Variants in SLCO3A1 observed in about 807,000 individuals in gnomAD.
SLCO3A1 encodes PGE1 transporter.
SLCO3A1 carries 27 observed loss-of-function variants against 63.1 expected under a neutral mutation model. That is an observed-to-expected ratio of 0.43 (90% CI 0.32 to 0.59). SLCO3A1 has a LOEUF of 0.59. SLCO3A1 is among the 20% of genes least tolerant of loss of function. The pLI is 0.09. For synonymous variants in SLCO3A1, 473 were observed against 409.9 expected, an observed-to-expected ratio of 1.15 and a Z score of -1.86; for missense variants, 773 against 945.8, an observed-to-expected ratio of 0.82 and a Z score of 2.40.
At position 91,900,305 on chromosome 15, in the gene SLCO3A1, G is replaced by A. The variant is rs1898119272; in HGVS notation, c.181-15688G>A. On this transcript the variant is annotated intron_variant, in intron 1 of 9. Coordinates refer to ENST00000318445, the MANE Select transcript of SLCO3A1 (RefSeq NM_013272.4). The surrounding 1 kb of genome is among the most constrained non-coding windows in gnomAD (Gnocchi z 4.3). ...TGTTCCAGTTTCCTCAGATGGACGT[G>A]AATACTTTGTATTGTCTGTTCGTTT... 1.3e-5 allele frequency among the ~76,000 whole-genome samples: 2 copies of A among 152,116 alleles called. No homozygotes were observed. Among genetic ancestry groups the A allele is most frequent in the African/African-American group, 4.8e-5 (2 of 41,430 alleles).
chr15:91,923,290 T>C (rs1409758080), intron 2 of SLCO3A1, among the ~76,000 whole-genome samples: 1 of 152,230 alleles, frequency 6.6e-6, no homozygotes, highest in Non-Finnish European at 1.5e-5. Flanking sequence ...GATACATGAC[T>C]GAACTGTTTA....
chr15:91,949,772 G>A (rs1206559268), intron 2 of SLCO3A1, among the ~76,000 whole-genome samples: 2 of 150,824 alleles, frequency 1.3e-5, no homozygotes, highest in Non-Finnish European at 3.0e-5. Context: ...CAAGGCAGGA[G>A]GATCGCTTGA....
chr15:92,083,273 C>G (rs1324891478), intron 2 of SLCO3A1, among the ~76,000 whole-genome samples: 1 of 152,220 alleles, frequency 6.6e-6, no homozygotes, highest in Non-Finnish European at 1.5e-5. Flanking sequence ...AGGGATCTCT[C>G]ATTTTGTCAA....
chr15:91,907,520 T>A (rs1898349070), intron 1 of SLCO3A1, among the ~76,000 whole-genome samples: 1 of 150,510 alleles, frequency 6.6e-6, no homozygotes, highest in Non-Finnish European at 1.5e-5. Flanking sequence ...GAGGCCTTTC[T>A]TTTTTTTCTA....
chr15:92,077,567 G>T (rs953875555), intron 2 of SLCO3A1, among the ~76,000 whole-genome samples: 4 of 152,200 alleles, frequency 2.6e-5, no homozygotes, highest in African/African-American at 9.6e-5. Context: ...GGAAGCACCT[G>T]AGCCTTTGCC....
chr15:92,118,999 T>G (rs2047828717), intron 4 of SLCO3A1, among the ~76,000 whole-genome samples: 1 of 152,232 alleles, frequency 6.6e-6, no homozygotes, highest in Admixed American at 6.5e-5. Flanking sequence ...TAGCAGTGTC[T>G]TAAGCCATAA....
intron 2 of SLCO3A1, among the ~76,000 whole-genome samples, chr15:91,987,571 G>A (rs151027533): frequency 0.015 from 2,327 of 151,930 alleles, 36 homozygotes; most frequent in Non-Finnish European, 0.025. Context: ...ATGAAACTCC[G>A]TCTCTACTAG....
intron 2 of SLCO3A1, among the ~76,000 whole-genome samples, chr15:91,963,345 C>T (rs1285024100): frequency 7.7e-6 from 1 of 129,834 alleles, no homozygotes; most frequent in Non-Finnish European, 1.5e-5. Context: ...CTACCCTGTT[C>T]AGCTGTTAGG....
intron 8 of SLCO3A1, among the ~76,000 whole-genome samples, chr15:92,148,385 C>CATCTTTATTATGAATTCCCA (rs2048258029): frequency 6.6e-6 from 1 of 152,126 alleles, no homozygotes; most frequent in Admixed American, 6.5e-5. Context: ...CACATTTCCT[C>CATCTTTATTATGAATTCCCA]ATCTTTATTA....
intron 1 of SLCO3A1, among the ~76,000 whole-genome samples, chr15:91,898,914 G>T (rs1898079025): frequency 6.6e-6 from 1 of 152,078 alleles, no homozygotes; most frequent in Admixed American, 6.6e-5. Context: ...TATTCTTCGT[G>T]GCTCCTATCA....
chr15:92,163,551 A>AAT lies in SLCO3A1; in HGVS notation c.*417_*418insTA, dbSNP rs1480341463. On this transcript the variant is annotated 3_prime_UTR_variant, in exon 10 of 10. Transcript: ENST00000318445. ...TTAAAAGAAGTTTCCTAAAATAAAA[A>AAT]AAATTAAAAAAAAAAAACCCACAAG... 3 of 909,018 alleles carry AAT rather than the reference A, an allele frequency of 3.3e-6. No individual in the cohort carries two copies. The East Asian group carries it at 3.5e-4, about 107-fold the overall frequency. The allele number at this position is 909,018 out of a possible 1,614,324, so 56.3% of individuals were successfully genotyped here.
downstream of SLCO3A1, among the ~76,000 whole-genome samples, chr15:92,169,005 C>T (rs534963228): frequency 1.3e-5 from 2 of 152,286 alleles, no homozygotes; most frequent in African/African-American, 4.8e-5. Flanking sequence ...CCACAACCAA[C>T]ACAAAACACT....
chr15:92,009,759 G>A (rs1291568657), intron 2 of SLCO3A1, among the ~76,000 whole-genome samples: 1 of 152,196 alleles, frequency 6.6e-6, no homozygotes, highest in Admixed American at 6.5e-5. Flanking sequence ...TATCAGTGTG[G>A]AGTTGTAATG....
chr15:91,987,377 G>A (rs1048098248), intron 2 of SLCO3A1, among the ~76,000 whole-genome samples: 1 of 152,060 alleles, frequency 6.6e-6, no homozygotes, highest in Admixed American at 6.5e-5. Context: ...TATGCTCTGG[G>A]GATACAACGG....
intron 2 of SLCO3A1, among the ~76,000 whole-genome samples, chr15:91,988,913 A>C (rs2046089949): frequency 6.6e-6 from 1 of 152,200 alleles, no homozygotes; most frequent in Non-Finnish European, 1.5e-5. Flanking sequence ...AAAAAGAATG[A>C]GGGGAAAAGC....
chr15:92,172,155 C>T (rs1459469043), exon 11 of SLCO3A1: 1 of 294,202 alleles, frequency 3.4e-6, no homozygotes, highest in Non-Finnish European at 6.3e-6. Flanking sequence ...CCTCTACCTC[C>T]TCTGGGGATG....
intron 4 of SLCO3A1, among the ~76,000 whole-genome samples, chr15:92,113,555 G>A (rs1281435257): frequency 2.0e-5 from 3 of 152,170 alleles, no homozygotes; most frequent in East Asian, 3.9e-4. Context: ...AAACCCAGTA[G>A]CTGCTTCTCT....
chr15:92,063,929 T>C (rs960918543), intron 2 of SLCO3A1, among the ~76,000 whole-genome samples: 1 of 152,214 alleles, frequency 6.6e-6, no homozygotes. Context: ...GTTTTTTGCT[T>C]TTTCCATTAT....
At chr15:92,160,770 C>T (rs901210069) in intron 9 of SLCO3A1, among the ~76,000 whole-genome samples, 4 of 152,094 alleles carry the variant, frequency 2.6e-5, no homozygotes, top group Non-Finnish European at 5.9e-5. Flanking sequence ...CGCTCTCACC[C>T]GATTCCAGGC....
Sources: allele counts gnomAD v4.1 joint callset (sites outside exome capture counted in the v4.1 genomes callset), GRCh38; gene constraint gnomAD v4.1.1; non-coding constraint Gnocchi (gnomAD v3.1); transcripts MANE v1.5; gene names NCBI Gene and HGNC (gene_info 2026-07-23, HGNC 2026-07-21).